The following STPG4 variants were observed in gnomAD, a reference collection of about 807,000 sequenced individuals.
STPG4 encodes the protein protein STPG4.
In STPG4, 41 loss-of-function variants were observed where a neutral mutation model predicts 31.5. That is an observed-to-expected ratio of 1.30 (90% CI 1.01 to 1.69). The LOEUF is 1.69. STPG4 is among the 40% of genes most tolerant of loss of function. The pLI, the probability that STPG4 is intolerant of heterozygous loss-of-function variation, is 0.00. For missense variants in STPG4, 375 were observed against 293.4 expected (o/e 1.28, Z -2.03); for synonymous variants, 141 against 103.0 (o/e 1.37, Z -2.24).
chr2:47,130,809 C>T (rs1250972817), intron 3 of STPG4, among the ~76,000 whole-genome samples: 8 of 152,012 alleles, frequency 5.3e-5, no homozygotes, highest in Non-Finnish European at 1.0e-4. Context: ...ACTACCGTGC[C>T]CAGCCACATT....
chr2:47,118,370 C>A (rs949536371), intron 5 of STPG4, among the ~76,000 whole-genome samples: 1 of 152,112 alleles, frequency 6.6e-6, no homozygotes, highest in Non-Finnish European at 1.5e-5. Flanking sequence ...CCCATCACCC[C>A]CAGATGGGAC....
Position 47,100,889 on chromosome 2 carries a change from C to T in STPG4, c.520-10515G>A, listed in dbSNP as rs6757379. ...CATCAGAAGGAACAAACTCCAGACGCGCCACCTTAAGAGCTGTAACACTCA... is the reference window on the plus strand; with the variant it reads ...CATCAGAAGGAACAAACTCCAGACGTGCCACCTTAAGAGCTGTAACACTCA... On this transcript the variant is annotated intron_variant, in intron 5 of 6. Coordinates refer to ENST00000445927, the MANE Select transcript of STPG4 (RefSeq NM_001163561.2). 8.6e-3 allele frequency among the ~76,000 whole-genome samples: 1,306 copies of T among 151,872 alleles called. 54 individuals are homozygous for T. The highest frequency in any genetic ancestry group is 0.029 in the African/African-American group (1,195 of 41,262).
At chr2:47,093,760 A>C (rs10188312) in intron 5 of STPG4, among the ~76,000 whole-genome samples, 4,952 of 152,322 alleles carry the variant, frequency 0.033, 237 homozygotes, top group African/African-American at 0.11. Context: ...AAGTTACTGA[A>C]CGCTATTCCA....
intron 5 of STPG4, among the ~76,000 whole-genome samples, chr2:47,127,533 T>C (rs961108631): frequency 5.9e-5 from 9 of 152,176 alleles, no homozygotes; most frequent in African/African-American, 2.2e-4. Context: ...CCTCCCAAAG[T>C]GCTGGGATTA....
At chr2:47,154,568 T>C (rs890989828) in intron 1 of STPG4, among the ~76,000 whole-genome samples, 1 of 152,206 alleles carries the variant, frequency 6.6e-6, no homozygotes, top group Non-Finnish European at 1.5e-5. Context: ...CCACATTTAT[T>C]TTAAAATGTA....
At chr2:47,119,650 C>T (rs996764511) in intron 5 of STPG4, among the ~76,000 whole-genome samples, 2 of 149,710 alleles carry the variant, frequency 1.3e-5, no homozygotes, top group Non-Finnish European at 3.0e-5. Context: ...TATCTCCATT[C>T]TTTTCCCATC....
chr2:47,106,354 G>T (rs896355229), intron 5 of STPG4, among the ~76,000 whole-genome samples: 1 of 151,788 alleles, frequency 6.6e-6, no homozygotes, highest in Non-Finnish European at 1.5e-5. Context: ...ACCCCTCAAA[G>T]CTCAAGTCCG....
intron 5 of STPG4, among the ~76,000 whole-genome samples, chr2:47,098,931 G>A (rs548207692): frequency 6.6e-6 from 1 of 152,260 alleles, no homozygotes; most frequent in East Asian, 1.9e-4. Flanking sequence ...CCAAGACAAG[G>A]GGGTCATATA....
intron 2 of STPG4, 47 bp from the exon 3 acceptor site, chr2:47,151,562 TCTC>T (rs749225193): frequency 3.6e-5 from 56 of 1,554,474 alleles, no homozygotes; most frequent in Non-Finnish European, 4.7e-5. Context: ...ACATGTAACT[TCTC>T]CTAAAACACC....
intron 5 of STPG4, among the ~76,000 whole-genome samples, chr2:47,118,558 C>G (rs1409147169): frequency 6.6e-6 from 1 of 152,200 alleles, no homozygotes; most frequent in African/African-American, 2.4e-5. Flanking sequence ...CATGGAAAAA[C>G]TGTCTTCTGT....
At chr2:47,109,284 C>T (rs1047245669) in intron 5 of STPG4, among the ~76,000 whole-genome samples, 4 of 152,210 alleles carry the variant, frequency 2.6e-5, no homozygotes, top group South Asian at 2.1e-4. Context: ...AGGCCAGGCG[C>T]AGTGGCTTAT....
intron 5 of STPG4, among the ~76,000 whole-genome samples, chr2:47,115,727 A>G (rs1686139134): frequency 7.2e-6 from 1 of 139,530 alleles, no homozygotes; most frequent in Non-Finnish European, 1.5e-5. Context: ...ATCTCGGCTC[A>G]CTGCAACCTC....
chr2:47,108,393 A>G (rs529464722), intron 5 of STPG4: 2 of 153,394 alleles, frequency 1.3e-5, no homozygotes, highest in African/African-American at 2.4e-5. Flanking sequence ...CTCACCGCGA[A>G]GGTATGCAGC....
intron 3 of STPG4, among the ~76,000 whole-genome samples, chr2:47,134,039 T>C (rs1686545335): frequency 6.6e-6 from 1 of 152,058 alleles, no homozygotes; most frequent in Non-Finnish European, 1.5e-5. Context: ...CATATACACA[T>C]ACATATACAT....
At chr2:47,088,564 G>A in intron 6 of STPG4, among the ~76,000 whole-genome samples, 1 of 152,196 alleles carries the variant, frequency 6.6e-6, no homozygotes, top group East Asian at 1.9e-4. Context: ...GAGGCTCACT[G>A]GTGTCTCTCT....
intron 3 of STPG4, among the ~76,000 whole-genome samples, chr2:47,135,005 G>A (rs1365824889): frequency 6.6e-6 from 1 of 152,118 alleles, no homozygotes; most frequent in Non-Finnish European, 1.5e-5. Context: ...TCTTTGGAGA[G>A]GTGTATATTA....
intron 1 of STPG4, among the ~76,000 whole-genome samples, chr2:47,153,996 A>AAC (rs1469654841): frequency 6.6e-6 from 1 of 152,172 alleles, no homozygotes; most frequent in Non-Finnish European, 1.5e-5. Context: ...TTGTCCACAG[A>AAC]ACACAACCGT....
chr2:47,155,271 AGGCTGAACCTG>A lies in STPG4; in HGVS notation c.-31_-21del, dbSNP rs1176766628. On this transcript the variant is annotated 5_prime_UTR_variant, in exon 1 of 7. Coordinates refer to ENST00000445927, the MANE Select transcript of STPG4 (RefSeq NM_001163561.2). ...GTCCATGGTGGCCTCCTCTCTCTCT[AGGCTGAACCTG>A]AGCTCCGGTTGCTAGGAGGCGGGTG... 1.9e-6 allele frequency: 3 copies of A among 1,613,402 alleles called. No individual in the cohort carries two copies. The highest frequency in any genetic ancestry group is 2.5e-6 in the Non-Finnish European group (3 of 1,179,558).
chr2:47,109,394 T>C (rs1352740758), intron 5 of STPG4, among the ~76,000 whole-genome samples: 1 of 151,944 alleles, frequency 6.6e-6, no homozygotes, highest in African/African-American at 2.4e-5. Flanking sequence ...CCATCTCTAC[T>C]AAAAATACAA....
Sources: gnomAD v4.1 joint callset for allele counts (sites outside exome capture counted in the v4.1 genomes callset) on GRCh38, gnomAD v4.1.1 for gene constraint, MANE v1.5 for transcripts, NCBI Gene and HGNC (gene_info 2026-07-23, HGNC 2026-07-21) for gene names.